Variants in NUAK1 observed in about 807,000 individuals in gnomAD.
NUAK1 encodes the protein NUAK family SNF1-like kinase 1.
NUAK1 carries 26 observed loss-of-function variants against 56.9 expected under a neutral mutation model. The ratio of observed to expected loss-of-function variants is 0.46; its 90% CI spans 0.33 to 0.63. NUAK1 has a LOEUF of 0.63. Ranked by LOEUF, NUAK1 falls within the 30% of genes least tolerant of loss-of-function variation. The pLI is 0.02. For missense variants in NUAK1, 727 were observed against 876.1 expected (o/e 0.83, Z 2.15); for synonymous variants, 337 against 336.0 (o/e 1.00, Z -0.03).
In NUAK1 at chr12:106,070,887, C is replaced by T; in HGVS notation, c.719G>A (p.Gly240Asp). 1 of 1,614,100 alleles carries T rather than the reference C, an allele frequency of 6.2e-7. No individual in the cohort carries two copies. Among genetic ancestry groups the T allele is most frequent in the Non-Finnish European group, 8.5e-7 (1 of 1,180,008 alleles). The change falls in exon 6 of 7, where the codon GGT (glycine) becomes GAT (aspartate). Residue 240 changes from glycine to aspartate, a missense_variant. Physicochemically the swap from Gly to Asp is moderately conservative, Grantham distance 94. Transcript: ENST00000261402. Reference protein sequence around the residue: ...RGPEVDSWALGVLLYTLVYGT... With the variant: ...RGPEVDSWALDVLLYTLVYGT... ...ATAAACAAGAGTGTAAAGCAACACA[C>T]CCAGGGCCCAGCTGTCCACCTGGAG...
intron 4 of NUAK1, among the ~76,000 whole-genome samples, chr12:106,073,529 C>T (rs1042743024): frequency 1.4e-4 from 21 of 152,166 alleles, no homozygotes; most frequent in Non-Finnish European, 3.1e-4. Flanking sequence ...CCTGTTCTAG[C>T]TCACAGGATC....
In NUAK1 at chr12:106,089,646, G is replaced by A. The variant is rs537266755; in HGVS notation, c.362-2761C>T. On this transcript the variant is annotated intron_variant, in intron 2 of 6. Transcript: ENST00000261402. ...CCACCAAAAATATAAAAAATTAGCC[G>A]GGTGTGGTGGCAGGTGCCTGTAACC... Among the ~76,000 whole-genome samples, 44 of 152,206 alleles carry A rather than the reference G, an allele frequency of 2.9e-4. 1 individual carries two copies. In the South Asian group the frequency reaches 6.4e-3, roughly 22 times the overall value.
At chr12:106,099,847 G>A (rs1040151721) in intron 2 of NUAK1, among the ~76,000 whole-genome samples, 1 of 151,582 alleles carries the variant, frequency 6.6e-6, no homozygotes, top group African/African-American at 2.4e-5. Context: ...CTGGAGTGCA[G>A]TGGCACAAAC....
chr12:106,132,729 G>A (rs1221256851), intron 1 of NUAK1, among the ~76,000 whole-genome samples: 1 of 152,196 alleles, frequency 6.6e-6, no homozygotes, highest in Non-Finnish European at 1.5e-5. Context: ...CTCACCAGAA[G>A]CAGGCACATC....
intron 1 of NUAK1, among the ~76,000 whole-genome samples, chr12:106,114,855 C>T (rs148163172): frequency 7.9e-4 from 121 of 152,304 alleles, no homozygotes; most frequent in African/African-American, 2.7e-3. Flanking sequence ...ATTAATAAAC[C>T]GAGATGGGAG....
At chr12:106,107,762 A>T (rs1413927973) in intron 1 of NUAK1, among the ~76,000 whole-genome samples, 1 of 152,158 alleles carries the variant, frequency 6.6e-6, no homozygotes, top group African/African-American at 2.4e-5. Context: ...TACAAACAAA[A>T]ACATTTCTAA....
At chr12:106,075,071 A>G (rs2032447099) in intron 4 of NUAK1, among the ~76,000 whole-genome samples, 1 of 152,078 alleles carries the variant, frequency 6.6e-6, no homozygotes, top group Non-Finnish European at 1.5e-5. Flanking sequence ...ACATGCACAC[A>G]CTCACACCAG....
At chr12:106,132,359 CT>C (rs1324471749) in intron 1 of NUAK1, among the ~76,000 whole-genome samples, 1 of 152,230 alleles carries the variant, frequency 6.6e-6, no homozygotes, top group Middle Eastern at 3.2e-3. Flanking sequence ...TCCTACAAGC[CT>C]CTGTTGAGGA....
intron 1 of NUAK1, among the ~76,000 whole-genome samples, chr12:106,136,767 A>T (rs2033133404): frequency 6.6e-6 from 1 of 152,210 alleles, no homozygotes; most frequent in African/African-American, 2.4e-5. Context: ...TATTAAGACA[A>T]CATGAGCAGG....
At chr12:106,133,916 G>T (rs1464937614) in intron 1 of NUAK1, among the ~76,000 whole-genome samples, 1 of 152,182 alleles carries the variant, frequency 6.6e-6, no homozygotes, top group African/African-American at 2.4e-5. Flanking sequence ...ATTTAACATG[G>T]TGAGTAGCAC....
At chr12:106,095,559 C>T (rs201202193) in intron 2 of NUAK1, among the ~76,000 whole-genome samples, 2 of 152,210 alleles carry the variant, frequency 1.3e-5, no homozygotes, top group South Asian at 2.1e-4. Flanking sequence ...CTCTACCTTA[C>T]GTCTCACTGT....
intron 2 of NUAK1, among the ~76,000 whole-genome samples, chr12:106,094,170 C>T (rs1259624426): frequency 1.3e-5 from 2 of 152,096 alleles, no homozygotes; most frequent in African/African-American, 4.8e-5. Flanking sequence ...AGAATTCTCT[C>T]CACACCTTTG....
intron 2 of NUAK1, among the ~76,000 whole-genome samples, chr12:106,089,106 G>A (rs893430973): frequency 3.3e-5 from 5 of 152,370 alleles, no homozygotes; most frequent in South Asian, 4.1e-4. Context: ...GAAACACCCC[G>A]ACTGCCTCGG....
chr12:106,121,025 A>G (rs1222423771), intron 1 of NUAK1, among the ~76,000 whole-genome samples: 1 of 152,202 alleles, frequency 6.6e-6, no homozygotes, highest in African/African-American at 2.4e-5. Flanking sequence ...AGCCTCCTTT[A>G]GTTAGCCTGG....
intron 1 of NUAK1, among the ~76,000 whole-genome samples, chr12:106,130,793 A>C (rs1260774976): frequency 2.0e-5 from 3 of 152,194 alleles, no homozygotes; most frequent in Non-Finnish European, 2.9e-5. Context: ...TGCCTTGTAG[A>C]GTAGCAATCG....
chr12:106,095,327 G>A lies in NUAK1; in HGVS notation c.362-8442C>T, dbSNP rs73397153. Among the ~76,000 whole-genome samples, 774 of 152,294 alleles carry A rather than the reference G, an allele frequency of 5.1e-3. 3 individuals are homozygous for A. Among genetic ancestry groups the A allele is most frequent in the African/African-American group, 0.014 (585 of 41,564 alleles). ...CTCCCCAATTCTGGCAGTGATGGGG[G>A]TAGAAATACCTCTGTGAAGACAGCC... On this transcript the variant is annotated intron_variant, in intron 2 of 6. Transcript: ENST00000261402.
rs1017175054 is a variant in NUAK1, at chr12:106,067,250, G to A, written c.1538C>T (p.Thr513Ile). ...CCTCCGGCAGGAGAGGCTGTGGGAG[G>A]TTACCCTGGCTGGGTCCGGGGGGCT... ...SPSPPDPARV[T>I]SHSLSCRRKG... is the part of the protein sequence containing the mutation. Residue 513 changes from threonine to isoleucine, a missense_variant, in exon 7 of 7, where the codon ACC becomes ATC. Physicochemically the swap from Thr to Ile is moderately conservative, Grantham distance 89 (BLOSUM62 -1). Coordinates refer to ENST00000261402, the MANE Select transcript of NUAK1 (RefSeq NM_014840.3). The surrounding 1 kb of genome is among the most constrained non-coding windows in gnomAD (Gnocchi z 6.0). 6.2e-7 allele frequency: 1 copy of A among 1,614,058 alleles called. No homozygotes were observed. The highest frequency in any genetic ancestry group is 1.7e-5 in the Admixed American group (1 of 60,028).
intron 4 of NUAK1, among the ~76,000 whole-genome samples, chr12:106,080,795 G>T (rs116715136): frequency 0.011 from 1,602 of 152,288 alleles, 20 homozygotes; most frequent in African/African-American, 0.032. Flanking sequence ...CACCAGAGGG[G>T]GCTCCAAGAG....
At chr12:106,094,217 G>A (rs951511430) in intron 2 of NUAK1, among the ~76,000 whole-genome samples, 1 of 152,160 alleles carries the variant, frequency 6.6e-6, no homozygotes, top group Non-Finnish European at 1.5e-5. Flanking sequence ...GACAACCAGG[G>A]TGCTGCCATT....
Sources: allele counts gnomAD v4.1 joint callset (sites outside exome capture counted in the v4.1 genomes callset), GRCh38; gene constraint gnomAD v4.1.1; non-coding constraint Gnocchi (gnomAD v3.1); transcripts MANE v1.5; gene names NCBI Gene and HGNC (gene_info 2026-07-23, HGNC 2026-07-21).